CSGALNACT1: variants seen among roughly 807,000 people sequenced by gnomAD.
CSGALNACT1 encodes the protein chondroitin sulfate N-acetylgalactosaminyltransferase 1, also known as beta4GalNAcT-1.
In CSGALNACT1, 52 loss-of-function variants were observed where a neutral mutation model predicts 51.0. The observed-to-expected ratio is 1.02, with a 90% CI of 0.82 to 1.29. The LOEUF (loss-of-function observed/expected upper bound fraction) is 1.29, where lower values mean the gene tolerates loss of function less well. CSGALNACT1 is among the 50% of genes most tolerant of loss of function. CSGALNACT1 has a pLI of 0.00. For synonymous variants in CSGALNACT1, 341 were observed against 254.4 expected, an observed-to-expected ratio of 1.34 and a Z score of -3.24; for missense variants, 935 against 679.2, an observed-to-expected ratio of 1.38 and a Z score of -4.19.
chr8:19,698,364 G>A (rs2061686081), intron 1 of CSGALNACT1, among the ~76,000 whole-genome samples: 2 of 152,168 alleles, frequency 1.3e-5, no homozygotes, highest in African/African-American at 4.8e-5. Context: ...CTATGAATAC[G>A]ATGCACACTT....
intron 3 of CSGALNACT1, among the ~76,000 whole-genome samples, chr8:19,523,371 C>G (rs984148401): frequency 1.3e-5 from 2 of 152,168 alleles, no homozygotes; most frequent in Admixed American, 1.3e-4. Flanking sequence ...CTCAAGCCAT[C>G]CTCCCACCTC....
chr8:19,445,741 A>T (rs1233777090), intron 5 of CSGALNACT1, among the ~76,000 whole-genome samples: 1 of 152,214 alleles, frequency 6.6e-6, no homozygotes, highest in Non-Finnish European at 1.5e-5. Flanking sequence ...ACCATGAAAA[A>T]CCATGGCTGG....
At chr8:19,512,823 A>C (rs548313735) in intron 3 of CSGALNACT1, among the ~76,000 whole-genome samples, 2 of 152,332 alleles carry the variant, frequency 1.3e-5, no homozygotes, top group East Asian at 3.9e-4. Context: ...TTTAAGTGTC[A>C]GGGACTTTAG....
At chr8:19,480,796 G>A (rs1156837812) in intron 4 of CSGALNACT1, among the ~76,000 whole-genome samples, 1 of 152,158 alleles carries the variant, frequency 6.6e-6, no homozygotes, top group Non-Finnish European at 1.5e-5. Flanking sequence ...CACTCCAGCA[G>A]TGAGTTGCCT....
At chr8:19,740,373 G>A (rs887399485) in intron 1 of CSGALNACT1, among the ~76,000 whole-genome samples, 2 of 152,236 alleles carry the variant, frequency 1.3e-5, no homozygotes, top group Non-Finnish European at 2.9e-5. Flanking sequence ...CAAAGCAGCT[G>A]CTCTCTCTAG....
upstream of CSGALNACT1, among the ~76,000 whole-genome samples, chr8:19,605,450 T>A (rs1415278145): frequency 6.6e-6 from 1 of 152,060 alleles, no homozygotes; most frequent in African/African-American, 2.4e-5. Flanking sequence ...AAATAAATAA[T>A]TAATAAATTC....
chr8:19,558,177 T>C (rs2039891990), intron 3 of CSGALNACT1, among the ~76,000 whole-genome samples: 1 of 152,220 alleles, frequency 6.6e-6, no homozygotes, highest in South Asian at 2.1e-4. Context: ...GATGAATGTT[T>C]ATCATGTTTA....
chr8:19,664,424 T>C (rs915825611), intron 1 of CSGALNACT1, among the ~76,000 whole-genome samples: 1 of 152,172 alleles, frequency 6.6e-6, no homozygotes, highest in African/African-American at 2.4e-5. Flanking sequence ...GAAGACAGTA[T>C]GGAGACTTCT....
intron 9 of CSGALNACT1, among the ~76,000 whole-genome samples, chr8:19,407,094 C>T (rs984210393): frequency 2.6e-5 from 4 of 152,168 alleles, no homozygotes; most frequent in African/African-American, 9.7e-5. Context: ...CCAAGAACAC[C>T]TGCTGTTAGT....
intron 1 of CSGALNACT1, among the ~76,000 whole-genome samples, chr8:19,725,403 CCTTTTTTCTTTTTT>C (rs1363780035): frequency 2.0e-5 from 3 of 151,490 alleles, no homozygotes; most frequent in South Asian, 2.1e-4. Context: ...AAAGACTTCA[CCTTTTTTCTTTTTT>C]CTTTTTTCTT....
At chr8:19,445,806 T>G (rs1019108238) in intron 5 of CSGALNACT1, among the ~76,000 whole-genome samples, 3 of 152,130 alleles carry the variant, frequency 2.0e-5, no homozygotes, top group Admixed American at 6.5e-5. Flanking sequence ...CTCCATCCAC[T>G]GGAAAGGTGT....
chr8:19,514,331 A>C (rs1175513618), intron 3 of CSGALNACT1, among the ~76,000 whole-genome samples: 1 of 151,604 alleles, frequency 6.6e-6, no homozygotes, highest in African/African-American at 2.4e-5. Context: ...CACAGACAGC[A>C]ATCTGTGTGG....
At chr8:19,498,417 G>A (rs1294305386) in intron 4 of CSGALNACT1, among the ~76,000 whole-genome samples, 3 of 152,174 alleles carry the variant, frequency 2.0e-5, no homozygotes, top group Admixed American at 6.5e-5. Flanking sequence ...GGGTGAGATG[G>A]GAGAGGCTGA....
intron 9 of CSGALNACT1, among the ~76,000 whole-genome samples, chr8:19,407,905 TTGTGTGTGTGTGTGTGTGTGTGTG>T (rs60746708): frequency 0.011 from 1,236 of 112,780 alleles, 4 homozygotes; most frequent in Middle Eastern, 0.015. Context: ...TGTATATGAA[TTGTGTGTGTGTGTGTGTGTGTGTG>T]TGTGTGTGTG....
intron 8 of CSGALNACT1, among the ~76,000 whole-genome samples, chr8:19,417,854 G>A (rs138772185): frequency 7.9e-5 from 12 of 152,216 alleles, no homozygotes; most frequent in African/African-American, 1.7e-4. Flanking sequence ...CAACAATACC[G>A]GGAAATTCCA....
intron 3 of CSGALNACT1, among the ~76,000 whole-genome samples, chr8:19,552,811 C>G (rs907731789): frequency 6.6e-6 from 1 of 152,102 alleles, no homozygotes; most frequent in Non-Finnish European, 1.5e-5. Flanking sequence ...CTTATAAGAA[C>G]AGAATGTAAA....
At chr8:19,697,088 A>C (rs867977980) in intron 1 of CSGALNACT1, among the ~76,000 whole-genome samples, 6 of 152,112 alleles carry the variant, frequency 3.9e-5, no homozygotes, top group Admixed American at 2.6e-4. Context: ...GGGAAGTGTG[A>C]GTTTCAAGTA....
At chr8:19,741,477 C>A (rs1321121871) in intron 1 of CSGALNACT1, among the ~76,000 whole-genome samples, 1 of 149,894 alleles carries the variant, frequency 6.7e-6, no homozygotes, top group African/African-American at 2.5e-5. Flanking sequence ...TCAGAAGAAT[C>A]GCTTGAAGCC....
rs541814672 is a variant in CSGALNACT1 at position 19,721,308 on chromosome 8, C to T, written c.-297+36542G>A. Among the ~76,000 whole-genome samples the T allele has an allele frequency of 4.9e-4, 74 of 152,304 alleles. No individual in the cohort carries two copies. The South Asian group carries it at 0.015, about 31-fold the overall frequency. On this transcript the variant is annotated intron_variant, in intron 1 of 1. Coordinates refer to the CSGALNACT1 transcript ENST00000517494. Reference sequence around the variant, plus strand: ...CCAAGTCCCCAGCCAAGACCTCAAGCCCTCTGCCTACTCCACCCACCATGT... The same window carrying T: ...CCAAGTCCCCAGCCAAGACCTCAAGTCCTCTGCCTACTCCACCCACCATGT...
Sources: gnomAD v4.1 joint callset for allele counts (sites outside exome capture counted in the v4.1 genomes callset) on GRCh38, gnomAD v4.1.1 for gene constraint, MANE v1.5 for transcripts, NCBI Gene and HGNC (gene_info 2026-07-23, HGNC 2026-07-21) for gene names.